The following LMBR1 variants were observed in gnomAD, a reference collection of about 807,000 sequenced individuals.
LMBR1 encodes limb development membrane protein 1.
In LMBR1, 52 loss-of-function variants were observed where a neutral mutation model predicts 73.9. That is an observed-to-expected ratio of 0.70 (90% CI 0.56 to 0.89). The LOEUF (loss-of-function observed/expected upper bound fraction) is 0.89, where lower values mean the gene tolerates loss of function less well. LMBR1 is among the 40% of genes least tolerant of loss of function. The pLI, the probability that LMBR1 is intolerant of heterozygous loss-of-function variation, is 0.00. For missense variants in LMBR1, 539 were observed against 579.8 expected (o/e 0.93, Z 0.72); for synonymous variants, 215 against 209.4 (o/e 1.03, Z -0.23).
rs867160561 is a variant in LMBR1 at position 156,770,744 on chromosome 7, T to A, written c.424-6949A>T. Among the ~76,000 whole-genome samples, 26 of 152,012 alleles carry A rather than the reference T, an allele frequency of 1.7e-4. No homozygotes were observed. In the Middle Eastern group the frequency reaches 0.017, roughly 99 times the overall value. On this transcript the variant is annotated intron_variant, in intron 5 of 16. Coordinates refer to ENST00000353442, the MANE Select transcript of LMBR1 (RefSeq NM_022458.4). ...GCCTGGGCAACATAGCAAGACCTTA[T>A]CTCTAACAAAAATTTTAAAATGAGA...
At chr7:156,684,353 A>G (rs561791446) in intron 16 of LMBR1, among the ~76,000 whole-genome samples, 190 bp from the exon 17 acceptor site, 6 of 152,158 alleles carry the variant, frequency 3.9e-5, no homozygotes, top group Non-Finnish European at 7.4e-5. Flanking sequence ...GGATGGCCTA[A>G]GCTGAAGACT....
At chr7:156,823,177 A>G in intron 4 of LMBR1, 1 of 151,110 alleles carries the variant, frequency 6.6e-6, no homozygotes, top group East Asian at 1.9e-4. Context: ...ATATTTTTCT[A>G]TATTTTATAA....
intron 1 of LMBR1, among the ~76,000 whole-genome samples, chr7:156,868,397 C>T (rs576703558): frequency 4.0e-4 from 61 of 152,028 alleles, no homozygotes; most frequent in East Asian, 1.5e-3. Flanking sequence ...AGTGGCAGGC[C>T]GGGCACGGTG....
At chr7:156,753,453 G>A (rs546636500) in intron 9 of LMBR1, among the ~76,000 whole-genome samples, 8 of 152,260 alleles carry the variant, frequency 5.3e-5, no homozygotes, top group South Asian at 2.1e-4. Context: ...GCCATCACAT[G>A]AGCGGGTGGC....
intron 1 of LMBR1, among the ~76,000 whole-genome samples, chr7:156,859,261 A>C (rs1384908503): frequency 2.0e-5 from 3 of 152,086 alleles, no homozygotes; most frequent in Admixed American, 6.5e-5. Context: ...AAAAAAAAAA[A>C]AACACTAGAA....
rs753266255 is a variant in LMBR1, at chr7:156,762,215, A to C, written c.620-17T>G. On this transcript the variant is annotated splice_polypyrimidine_tract_variant and intron_variant, in intron 7 of 16. Transcript: ENST00000353442. ...GTGTACACACTGCAGAAATAAGATC[A>C]CCAAAAGACAGAAAGCGACATTATA... The C allele has an allele frequency of 6.3e-7, 1 of 1,577,892 alleles. No homozygotes were observed. The highest frequency in any genetic ancestry group is 8.7e-7 in the Non-Finnish European group (1 of 1,148,668).
intron 9 of LMBR1, among the ~76,000 whole-genome samples, chr7:156,754,033 T>C (rs375648631): frequency 6.6e-6 from 1 of 152,174 alleles, no homozygotes; most frequent in Non-Finnish European, 1.5e-5. Context: ...ATCTACACAA[T>C]ATCTAGTGCT....
chr7:156,704,522 G>C (rs1563172323), intron 15 of LMBR1, among the ~76,000 whole-genome samples: 1 of 150,090 alleles, frequency 6.7e-6, no homozygotes, highest in Non-Finnish European at 1.5e-5. Flanking sequence ...TCAATGTAAA[G>C]ATACAAAAGG....
intron 5 of LMBR1, chr7:156,779,768 T>C: frequency 4.9e-6 from 5 of 1,025,166 alleles, no homozygotes; most frequent in Non-Finnish European, 6.6e-6. Context: ...ATACACTATG[T>C]CTCTACCCAT....
chr7:156,772,359 C>T (rs1165120858), intron 5 of LMBR1, among the ~76,000 whole-genome samples: 2 of 152,166 alleles, frequency 1.3e-5, no homozygotes, highest in Non-Finnish European at 2.9e-5. Flanking sequence ...AAACTCTCAA[C>T]AAACTAGGCT....
At chr7:156,708,239 A>C (rs958517951) in intron 15 of LMBR1, among the ~76,000 whole-genome samples, 1 of 152,166 alleles carries the variant, frequency 6.6e-6, no homozygotes, top group Non-Finnish European at 1.5e-5. Flanking sequence ...GTACCAGGAA[A>C]ACAAAGAATT....
intron 4 of LMBR1, among the ~76,000 whole-genome samples, chr7:156,807,034 CTT>C (rs35069242): frequency 3.3e-5 from 5 of 150,796 alleles, no homozygotes; most frequent in Admixed American, 2.0e-4. Flanking sequence ...GACCATATGA[CTT>C]TTTTTTTTCT....
chr7:156,830,348 T>A lies in LMBR1; in HGVS notation c.179+3405A>T, dbSNP rs544493312. Among the ~76,000 whole-genome samples, 17 of 152,344 alleles carry A rather than the reference T, an allele frequency of 1.1e-4. 1 individual carries two copies. The East Asian group carries it at 3.3e-3, about 29-fold the overall frequency. ...TCATGGGTTAGTATTTCAATTTTTT[T>A]AAATTAAAAAAACTAATCATAAGCA... On this transcript the variant is annotated intron_variant, in intron 3 of 16. Coordinates refer to ENST00000353442, the MANE Select transcript of LMBR1 (RefSeq NM_022458.4).
At chr7:156,706,632 G>C (rs1381591356) in intron 15 of LMBR1, among the ~76,000 whole-genome samples, 1 of 151,648 alleles carries the variant, frequency 6.6e-6, no homozygotes, top group South Asian at 2.1e-4. Flanking sequence ...ATGACCATTG[G>C]GTCAAAGAAT....
chr7:156,752,028 G>C (rs1820993994), intron 9 of LMBR1, among the ~76,000 whole-genome samples: 1 of 152,184 alleles, frequency 6.6e-6, no homozygotes, highest in Non-Finnish European at 1.5e-5. Flanking sequence ...GACTTTCCAG[G>C]TGAAGAAGTT....
chr7:156,765,311 TTGAG>T (rs1419286860), intron 5 of LMBR1, among the ~76,000 whole-genome samples: 1 of 152,160 alleles, frequency 6.6e-6, no homozygotes, highest in African/African-American at 2.4e-5. Flanking sequence ...TCTCATGATA[TTGAG>T]TGAGTTCTCA....
chr7:156,806,769 G>A (rs1297340405), intron 4 of LMBR1, among the ~76,000 whole-genome samples: 2 of 152,008 alleles, frequency 1.3e-5, no homozygotes, highest in Admixed American at 1.3e-4. Flanking sequence ...ACACCACCAT[G>A]CCCAGTTAAG....
chr7:156,687,525 T>A (rs575859813), intron 16 of LMBR1, among the ~76,000 whole-genome samples: 1 of 152,284 alleles, frequency 6.6e-6, no homozygotes, highest in African/African-American at 2.4e-5. Context: ...TAACAGTAAA[T>A]CCCCTCTCTT....
intron 5 of LMBR1, among the ~76,000 whole-genome samples, chr7:156,786,953 A>G (rs1828213661): frequency 6.6e-6 from 1 of 152,178 alleles, no homozygotes; most frequent in Non-Finnish European, 1.5e-5. Context: ...TTTTTAATCA[A>G]CTTTAATGCT....
Sources: allele counts gnomAD v4.1 joint callset (sites outside exome capture counted in the v4.1 genomes callset), GRCh38; gene constraint gnomAD v4.1.1; transcripts MANE v1.5; gene names NCBI Gene and HGNC (gene_info 2026-07-23, HGNC 2026-07-21).